The following FGGY variants were observed in gnomAD, a reference collection of about 807,000 sequenced individuals.
The protein encoded by FGGY is FGGY carbohydrate kinase domain-containing protein.
Under a neutral mutation model 71.3 loss-of-function variants are expected in FGGY, and 72 were observed. The observed-to-expected ratio is 1.01, with a 90% CI of 0.84 to 1.23. FGGY has a LOEUF of 1.23. Among genes scored for constraint, FGGY ranks in the 50% most tolerant of loss-of-function variants. The pLI is 0.00. For missense variants in FGGY, 668 were observed against 682.3 expected (o/e 0.98, Z 0.23); for synonymous variants, 251 against 250.3 (o/e 1.00, Z -0.02).
chr1:59,368,721 A>G (rs567323659), intron 4 of FGGY, among the ~76,000 whole-genome samples: 66 of 152,350 alleles, frequency 4.3e-4, no homozygotes, highest in African/African-American at 1.5e-3. Context: ...CTAAAAATCC[A>G]TCTATGGGGG....
At chr1:59,430,384 A>G (rs2067128529) in intron 5 of FGGY, among the ~76,000 whole-genome samples, 2 of 152,128 alleles carry the variant, frequency 1.3e-5, no homozygotes, top group South Asian at 4.1e-4. Context: ...GATTCATTTC[A>G]TGTCTTTTTT....
intron 5 of FGGY, among the ~76,000 whole-genome samples, chr1:59,411,528 A>T (rs1003790144): frequency 6.6e-6 from 1 of 152,218 alleles, no homozygotes; most frequent in African/African-American, 2.4e-5. Context: ...TAATTTTAGC[A>T]ACTATTGTAA....
intron 6 of FGGY, among the ~76,000 whole-genome samples, chr1:59,503,545 T>G (rs1257611518): frequency 1.3e-5 from 2 of 148,740 alleles, no homozygotes; most frequent in Admixed American, 1.3e-4. Flanking sequence ...TTGGGCCTGC[T>G]GGTGGTCACC....
At position 59,540,264 on chromosome 1, in the gene FGGY, C is replaced by T. The variant is rs908572765; in HGVS notation, c.800-13860C>T. 2.0e-5 allele frequency among the ~76,000 whole-genome samples: 3 copies of T among 152,202 alleles called. No individual in the cohort carries two copies. The South Asian group carries it at 6.2e-4, about 32-fold the overall frequency. ...GACATATATCCAACAGAAATGTGTA[C>T]CAGAAAAAATACGTATATAGTAATA... On this transcript the variant is annotated intron_variant, in intron 7 of 15. Transcript: ENST00000303721.
chr1:59,725,719 T>C (rs2097939286), intron 14 of FGGY, among the ~76,000 whole-genome samples: 1 of 152,112 alleles, frequency 6.6e-6, no homozygotes, highest in Admixed American at 6.6e-5. Flanking sequence ...TAGAAAGAAA[T>C]TGACTCTTGA....
At chr1:59,457,153 A>G (rs770124008) in intron 6 of FGGY, 77 bp downstream of exon 6, 21 of 1,091,500 alleles carry the variant, frequency 1.9e-5, no homozygotes, top group Non-Finnish European at 2.5e-5. Context: ...TGTGGTTTGT[A>G]TGTTTCTTGT....
rs188361183 is a variant in FGGY, at chr1:59,741,262, G to A, written c.1513-16669G>A. ...TCCCCAGTGAGGAGGGCCCTGGTGG[G>A]AGGTGATTGGATTTTGGGGGTGGAG... On this transcript the variant is annotated intron_variant, in intron 14 of 15. Transcript: ENST00000303721. 4.9e-4 allele frequency among the ~76,000 whole-genome samples: 74 copies of A among 152,258 alleles called. No homozygotes were observed. In the East Asian group the frequency reaches 0.014, roughly 28 times the overall value.
intron 7 of FGGY, among the ~76,000 whole-genome samples, chr1:59,525,961 G>C (rs1012439080): frequency 2.0e-5 from 3 of 152,180 alleles, no homozygotes; most frequent in Non-Finnish European, 4.4e-5. Flanking sequence ...AGTTGTGCAT[G>C]CATATGCATC....
intron 14 of FGGY, among the ~76,000 whole-genome samples, chr1:59,703,927 T>C (rs973907778): frequency 1.3e-4 from 20 of 152,168 alleles, no homozygotes; most frequent in African/African-American, 4.8e-4. Context: ...AAATCAAGTC[T>C]TCTGCTTATG....
At chr1:59,663,477 A>G (rs1277057344) in intron 12 of FGGY, among the ~76,000 whole-genome samples, 4 of 152,230 alleles carry the variant, frequency 2.6e-5, no homozygotes, top group African/African-American at 9.6e-5. Flanking sequence ...AAGTCCAGAA[A>G]TGTATAAATG....
chr1:59,438,662 C>A (rs758097432), intron 5 of FGGY, among the ~76,000 whole-genome samples: 9 of 152,144 alleles, frequency 5.9e-5, no homozygotes, highest in Admixed American at 5.9e-4. Flanking sequence ...TGGCACATAC[C>A]AGTTAATTGC....
chr1:59,378,315 A>G (rs1176283340), intron 4 of FGGY, among the ~76,000 whole-genome samples: 2 of 151,528 alleles, frequency 1.3e-5, no homozygotes, highest in African/African-American at 4.9e-5. Context: ...ACAAGATCTG[A>G]TGGTTTTATA....
Position 59,520,345 on chromosome 1 carries a change from C to G in FGGY, c.799+7906C>G, listed in dbSNP as rs189945908. 2.6e-3 allele frequency among the ~76,000 whole-genome samples: 395 copies of G among 152,226 alleles called. 3 individuals are homozygous for G. The highest frequency in any genetic ancestry group is 8.9e-3 in the African/African-American group (369 of 41,522). On this transcript the variant is annotated intron_variant, in intron 7 of 15. Coordinates refer to ENST00000303721, the MANE Select transcript of FGGY (RefSeq NM_018291.5). ...GTAGGGAGGACAGGATGGTTTCTAG[C>G]TCATCTATTTCAGAGTCAAGCCACA... is the stretch of plus-strand genomic sequence containing the variant.
intron 9 of FGGY, among the ~76,000 whole-genome samples, chr1:59,618,783 T>G (rs985230655): frequency 6.6e-6 from 1 of 151,962 alleles, no homozygotes; most frequent in Non-Finnish European, 1.5e-5. Context: ...GAATATACAC[T>G]GAAAAAATTA....
chr1:59,611,423 C>A (rs1187728363), intron 9 of FGGY, among the ~76,000 whole-genome samples: 1 of 152,182 alleles, frequency 6.6e-6, no homozygotes, highest in Non-Finnish European at 1.5e-5. Context: ...CTCCAACAGA[C>A]CTGCAGCTGA....
At chr1:59,706,603 C>G (rs1324644117) in intron 14 of FGGY, among the ~76,000 whole-genome samples, 1 of 152,098 alleles carries the variant, frequency 6.6e-6, no homozygotes, top group East Asian at 1.9e-4. Flanking sequence ...CTGGGCAAGT[C>G]AAATGGGATA....
In FGGY at chr1:59,458,099, CT is replaced by C. The variant is rs1447559490; in HGVS notation, c.670+1024del. Among the ~76,000 whole-genome samples the C allele has an allele frequency of 2.0e-5, 3 of 152,308 alleles. No individual in the cohort carries two copies. The East Asian group carries it at 5.8e-4, about 29-fold the overall frequency. ...TCCCAATGGGAGGACCTAGAAGGAA[CT>C]AATATTTTACTGGAACACAAATTTC... On this transcript the variant is annotated intron_variant, in intron 6 of 15. Coordinates refer to ENST00000303721, the MANE Select transcript of FGGY (RefSeq NM_018291.5).
rs1472220398 is a variant in FGGY at position 59,762,557 on chromosome 1, G to A, written c.1629G>A (p.Glu543=). 2.5e-6 allele frequency: 4 copies of A among 1,613,932 alleles called. No homozygotes were observed. Among genetic ancestry groups the A allele is most frequent in the Non-Finnish European group, 3.4e-6 (4 of 1,179,882 alleles). The part of the protein sequence containing the change: ...VFLKLVEHQK[E]YLAIMNDD ...TGAAGCTGGTTGAACACCAGAAGGA[G>A]TATTTGGCGATCATGAATGATGACT... The change falls in exon 16 of 16, where the codon GAG becomes GAA. Residue 543 remains glutamate (E), a synonymous_variant. Transcript: ENST00000303721.
intron 3 of FGGY, among the ~76,000 whole-genome samples, chr1:59,343,955 A>G (rs1268480233): frequency 6.6e-6 from 1 of 152,096 alleles, no homozygotes; most frequent in Non-Finnish European, 1.5e-5. Flanking sequence ...TGTCCCCTTC[A>G]ACACTCACCC....
Sources: allele counts gnomAD v4.1 joint callset (sites outside exome capture counted in the v4.1 genomes callset), GRCh38; gene constraint gnomAD v4.1.1; transcripts MANE v1.5; gene names NCBI Gene and HGNC (gene_info 2026-07-23, HGNC 2026-07-21).